The following TP63 variants were observed in gnomAD, a reference collection of about 807,000 sequenced individuals.
TP63 encodes tumor protein p63, also known as tumor protein 63.
TP63 carries 17 observed loss-of-function variants against 82.8 expected under a neutral mutation model. The ratio of observed to expected loss-of-function variants is 0.21; its 90% CI spans 0.14 to 0.31. TP63 has a LOEUF of 0.31. Ranked by LOEUF, TP63 falls within the 10% of genes least tolerant of loss-of-function variation. The pLI is 1.00. For synonymous variants in TP63, 330 were observed against 321.7 expected, an observed-to-expected ratio of 1.03 and a Z score of -0.28; for missense variants, 648 against 895.3, an observed-to-expected ratio of 0.72 and a Z score of 3.52.
the TP63 span, among the ~76,000 whole-genome samples, chr3:189,610,752 A>G: frequency 6.6e-6 from 1 of 152,034 alleles, no homozygotes; most frequent in Non-Finnish European, 1.5e-5. Flanking sequence ...GTACCAATTT[A>G]CTGTTTTAAT....
intron 1 of TP63, among the ~76,000 whole-genome samples, chr3:189,636,896 A>G (rs891847937): frequency 5.9e-5 from 9 of 152,174 alleles, no homozygotes; most frequent in African/African-American, 2.2e-4. Flanking sequence ...TTTTGACTGC[A>G]TCGTTTATCA....
chr3:189,763,657 C>T (rs768773853), intron 3 of TP63, among the ~76,000 whole-genome samples: 13 of 152,274 alleles, frequency 8.5e-5, no homozygotes, highest in Admixed American at 3.9e-4. Flanking sequence ...AGAGGTTATA[C>T]TAGGAAGACG....
intron 1 of TP63, among the ~76,000 whole-genome samples, chr3:189,707,603 T>G (rs1718299703): frequency 6.6e-6 from 1 of 152,172 alleles, no homozygotes; most frequent in African/African-American, 2.4e-5. Flanking sequence ...TTTACATATG[T>G]CATAGTAAAA....
intron 1 of TP63, among the ~76,000 whole-genome samples, chr3:189,638,345 G>A (rs1234288817): frequency 2.6e-5 from 4 of 152,038 alleles, no homozygotes; most frequent in African/African-American, 9.7e-5. Context: ...TACAATCCTA[G>A]ACCTCAGGGA....
chr3:189,645,826 G>A (rs1712380308), intron 1 of TP63, among the ~76,000 whole-genome samples: 1 of 146,834 alleles, frequency 6.8e-6, no homozygotes, highest in Admixed American at 6.7e-5. Flanking sequence ...CCCTACAAAG[G>A]ACATGAACTC....
At chr3:189,815,418 G>A (rs1161427518) in intron 4 of TP63, among the ~76,000 whole-genome samples, 1 of 152,102 alleles carries the variant, frequency 6.6e-6, no homozygotes, top group African/African-American at 2.4e-5. Flanking sequence ...TGGCAAAAGA[G>A]CTTATATACT....
chr3:189,765,350 C>T, intron 3 of TP63, among the ~76,000 whole-genome samples: 1 of 146,206 alleles, frequency 6.8e-6, no homozygotes, highest in Non-Finnish European at 1.5e-5. Flanking sequence ...CATCAAGTAA[C>T]ATTAAGTTCT....
At chr3:189,624,651 T>A in the TP63 span, among the ~76,000 whole-genome samples, 3 of 152,196 alleles carry the variant, frequency 2.0e-5, no homozygotes, top group Admixed American at 6.6e-5. Context: ...TAAATAAGCA[T>A]ATAATATGTG....
the TP63 span, among the ~76,000 whole-genome samples, chr3:189,606,563 G>T: frequency 7.0e-6 from 1 of 142,072 alleles, no homozygotes; most frequent in South Asian, 2.3e-4. Flanking sequence ...ACCTAGGCTG[G>T]AGGGCAGTGG....
At chr3:189,791,613 C>T (rs1006860486) in intron 3 of TP63, among the ~76,000 whole-genome samples, 6 of 152,118 alleles carry the variant, frequency 3.9e-5, no homozygotes, top group Admixed American at 6.6e-5. Flanking sequence ...CAAAAAATAT[C>T]TGTAAAAAAC....
At chr3:189,611,324 G>A in the TP63 span, among the ~76,000 whole-genome samples, 1 of 152,142 alleles carries the variant, frequency 6.6e-6, no homozygotes, top group Non-Finnish European at 1.5e-5. Flanking sequence ...TTTCGTATAT[G>A]GTTTAAGGAA....
rs267599730 is a variant in TP63 at position 189,886,541 on chromosome 3, G to A, written c.1497G>A (p.Met499Ile). ...CTCCTACAACCATTCCTGATGGCAT[G>A]GGAGCCAACAGTAAGAGCATCTCCT... ...ALTPTTIPDG[M>I]GANIPMMGTH... Residue 499 changes from methionine (M) to isoleucine (I), a missense_variant, in exon 11 of 14, where the codon ATG becomes ATA. Around this residue, in one of 5 missense-constraint regions of TP63, gnomAD observed 342 missense variants for 425.7 expected, o/e 0.80. Transcript: ENST00000264731. The A allele has an allele frequency of 3.1e-6, 5 of 1,613,910 alleles. No individual in the cohort carries two copies. In the African/African-American group the frequency reaches 5.3e-5, roughly 17 times the overall value.
At chr3:189,768,457 G>A (rs533907440) in intron 3 of TP63, among the ~76,000 whole-genome samples, 4 of 152,166 alleles carry the variant, frequency 2.6e-5, no homozygotes, top group African/African-American at 7.2e-5. Flanking sequence ...AATCACAAAC[G>A]TAGGTAGTTG....
chr3:189,620,847 T>A, the TP63 span, among the ~76,000 whole-genome samples: 28 of 152,346 alleles, frequency 1.8e-4, no homozygotes, highest in African/African-American at 6.7e-4. Flanking sequence ...GTACCACACA[T>A]CTTTCATGAT....
the TP63 span, among the ~76,000 whole-genome samples, chr3:189,614,330 C>T: frequency 6.6e-6 from 1 of 152,194 alleles, no homozygotes; most frequent in East Asian, 1.9e-4. Flanking sequence ...TTTTCTCTTG[C>T]TGCCACCATG....
the TP63 span, among the ~76,000 whole-genome samples, chr3:189,600,653 C>G: frequency 1.3e-5 from 2 of 152,116 alleles, no homozygotes; most frequent in Non-Finnish European, 2.9e-5. Flanking sequence ...TAGATGCTCT[C>G]TGAAGCCCTT....
intron 10 of TP63, among the ~76,000 whole-genome samples, chr3:189,875,397 C>T (rs1000384128): frequency 2.0e-5 from 3 of 150,720 alleles, no homozygotes; most frequent in Non-Finnish European, 4.4e-5. Context: ...GAAACCCCGT[C>T]GCTACTAAAA....
chr3:189,708,187 T>G (rs1380536551), intron 1 of TP63, among the ~76,000 whole-genome samples: 2 of 152,220 alleles, frequency 1.3e-5, no homozygotes. Context: ...TAAAAATGGT[T>G]TACTAACATT....
intron 1 of TP63, among the ~76,000 whole-genome samples, chr3:189,709,003 T>C (rs986359265): frequency 2.6e-5 from 4 of 152,228 alleles, no homozygotes; most frequent in Non-Finnish European, 4.4e-5. Flanking sequence ...TATATTTTAC[T>C]GTGGTATATC....
Sources: gnomAD v4.1 joint callset for allele counts (sites outside exome capture counted in the v4.1 genomes callset) on GRCh38, gnomAD v4.1.1 for gene constraint, gnomAD v4.1.1 regional missense constraint, MANE v1.5 for transcripts, NCBI Gene and HGNC (gene_info 2026-07-23, HGNC 2026-07-21) for gene names.